The following RBPJ variants were observed in gnomAD, a reference collection of about 807,000 sequenced individuals.
The protein encoded by RBPJ is recombining binding protein suppressor of hairless.
Under a neutral mutation model 67.8 loss-of-function variants are expected in RBPJ, and 9 were observed. The observed-to-expected ratio is 0.13, with a 90% CI of 0.08 to 0.23. The LOEUF is 0.23. Among genes scored for constraint, RBPJ ranks in the 10% least tolerant of loss-of-function variants. The pLI is 1.00. For synonymous variants in RBPJ, 198 were observed against 203.3 expected (o/e 0.97, Z 0.22); for missense variants, 305 against 595.6 (o/e 0.51, Z 5.08).
At chr4:26,127,011 G>A in the RBPJ span, among the ~76,000 whole-genome samples, 6 of 152,162 alleles carry the variant, frequency 3.9e-5, no homozygotes, top group South Asian at 4.1e-4. Context: ...GGATTCAGCC[G>A]ACCACACACG....
intron 2 of RBPJ, among the ~76,000 whole-genome samples, chr4:26,400,505 GCT>G (rs1194629782): frequency 9.1e-6 from 1 of 110,304 alleles, no homozygotes; most frequent in Non-Finnish European, 2.2e-5. Flanking sequence ...TATTTGACAG[GCT>G]TTTTACTATT....
At chr4:26,162,430 T>C (rs1377124791), upstream of RBPJ, among the ~76,000 whole-genome samples, 1 of 152,266 alleles carries the variant, frequency 6.6e-6, no homozygotes, top group East Asian at 1.9e-4. Context: ...GGTCACGTGC[T>C]GTGCCCAAGG....
upstream of RBPJ, chr4:26,319,733 T>G: frequency 1.2e-6 from 1 of 813,758 alleles, no homozygotes. Context: ...GCAGTGCCGC[T>G]CGCGCGGGCC....
chr4:26,387,903 T>G (rs745675718), intron 2 of RBPJ, among the ~76,000 whole-genome samples: 2 of 152,118 alleles, frequency 1.3e-5, no homozygotes, highest in Non-Finnish European at 2.9e-5. Flanking sequence ...TAAAATTGGG[T>G]CCAGGCATGA....
chr4:26,413,325 G>A (rs531392213), intron 3 of RBPJ, among the ~76,000 whole-genome samples: 1 of 152,226 alleles, frequency 6.6e-6, no homozygotes, highest in East Asian at 1.9e-4. Context: ...TGACCACCTT[G>A]GGCCGTCCCC....
In RBPJ at chr4:26,431,323, G is replaced by T; in HGVS notation, c.*316G>T. On this transcript the variant is annotated 3_prime_UTR_variant, in exon 11 of 11. Transcript: ENST00000355476. ...TTTAAATGGGCAAGAAGTAAATAAT[G>T]TGGCTGGAATACAAGTTGAACAAAC... is the stretch of plus-strand genomic sequence containing the variant. 4.0e-6 allele frequency: 1 copy of T among 251,894 alleles called. No individual in the cohort carries two copies. The allele number at this position is 251,894 out of a possible 1,614,324, so 15.6% of individuals were successfully genotyped here. A position where few individuals can be genotyped will look rare whatever the true frequency, so the allele number is the denominator to read the frequency against.
chr4:26,111,188 G>T, the RBPJ span, among the ~76,000 whole-genome samples: 1 of 150,090 alleles, frequency 6.7e-6, no homozygotes, highest in Middle Eastern at 3.5e-3. Context: ...TCAGAGAAAG[G>T]TGATTGGCCC....
intron 1 of RBPJ, among the ~76,000 whole-genome samples, chr4:26,230,185 A>C (rs1393639076): frequency 6.7e-6 from 1 of 148,392 alleles, no homozygotes; most frequent in Non-Finnish European, 1.5e-5. Flanking sequence ...GTGAGACCCT[A>C]TCTTAAAAAA....
chr4:26,384,809 GCCTCTCCCCTCTCCCCCTCCCCTCTCA>G (rs1730671596), intron 1 of RBPJ, among the ~76,000 whole-genome samples: 1 of 15,260 alleles, frequency 6.6e-5, no homozygotes, highest in Admixed American at 7.5e-4. Context: ...CTCCCCTCTC[GCCTCTCCCCTCTCCCCCTCCCCTCTCA>G]CCTCTCCCCT....
chr4:26,196,725 C>A (rs973498003), intron 1 of RBPJ, among the ~76,000 whole-genome samples: 6 of 152,106 alleles, frequency 3.9e-5, no homozygotes, highest in African/African-American at 1.4e-4. Flanking sequence ...GCCACATACC[C>A]ACTGTTGAGA....
the RBPJ span, among the ~76,000 whole-genome samples, chr4:26,110,164 ATTCAATTTCTCTGTACTTCTTACAT>A: frequency 6.6e-6 from 1 of 152,104 alleles, no homozygotes; most frequent in African/African-American, 2.4e-5. The surrounding 1 kb of genome is among the most constrained non-coding windows in gnomAD (Gnocchi z 4.5). Context: ...ACTTCTTACA[ATTCAATTTCTCTGTACTTCTTACAT>A]TTCAATTTCT....
chr4:26,395,467 A>G (rs147977390), intron 2 of RBPJ, among the ~76,000 whole-genome samples: 201 of 152,204 alleles, frequency 1.3e-3, no homozygotes, highest in African/African-American at 4.6e-3. Context: ...AAAAGAAGAA[A>G]TGAGCTTTAT....
At chr4:26,165,272 C>T (rs11722034) in intron 1 of RBPJ, among the ~76,000 whole-genome samples, 2,367 of 152,282 alleles carry the variant, frequency 0.016, 24 homozygotes, top group Non-Finnish European at 0.026. Context: ...TGCAGTTTAG[C>T]TTTTTCTAAA....
rs569359281 is a variant in RBPJ at position 26,433,270 on chromosome 4, C to T, written c.*2263C>T. On this transcript the variant is annotated 3_prime_UTR_variant, in exon 11 of 11. Transcript: ENST00000355476. ...CACTTATTTCTGAGTAGTAGTTATT[C>T]CTCTCTATGGAGTCATGGCAGGAAT... The T allele has an allele frequency of 6.6e-6, 1 of 152,284 alleles. No individual in the cohort carries two copies. Among genetic ancestry groups the T allele is most frequent in the East Asian group, 1.9e-4 (1 of 5,186 alleles). 9.4% of individuals were successfully genotyped at this position (152,284 alleles called of 1,614,324 possible).
intron 1 of RBPJ, among the ~76,000 whole-genome samples, chr4:26,362,224 T>G (rs1728138742): frequency 6.6e-6 from 1 of 152,102 alleles, no homozygotes; most frequent in Non-Finnish European, 1.5e-5. Flanking sequence ...GAAGAAACAA[T>G]TGGGGCAAAG....
the RBPJ span, among the ~76,000 whole-genome samples, chr4:26,151,794 C>A: frequency 6.6e-6 from 1 of 152,360 alleles, no homozygotes; most frequent in East Asian, 1.9e-4. Context: ...CCAAAGGAGG[C>A]CTTGGCCTGG....
chr4:26,376,481 C>T (rs1180149753), intron 1 of RBPJ, among the ~76,000 whole-genome samples: 1 of 152,176 alleles, frequency 6.6e-6, no homozygotes, highest in Non-Finnish European at 1.5e-5. Flanking sequence ...TGAATCATAT[C>T]CCATCATATG....
intron 1 of RBPJ, among the ~76,000 whole-genome samples, chr4:26,366,277 TTTTTG>T (rs540662744): frequency 3.0e-4 from 46 of 152,024 alleles, no homozygotes; most frequent in African/African-American, 9.2e-4. Context: ...CAGTAGTTTT[TTTTTG>T]TTTTGTTTTG....
At chr4:26,244,058 C>T (rs983315274) in intron 1 of RBPJ, among the ~76,000 whole-genome samples, 1 of 151,268 alleles carries the variant, frequency 6.6e-6, no homozygotes, top group Non-Finnish European at 1.5e-5. Context: ...TGAGGTGGCA[C>T]CACTGCACTT....
Sources: gnomAD v4.1 joint callset for allele counts (sites outside exome capture counted in the v4.1 genomes callset) on GRCh38, gnomAD v4.1.1 for gene constraint, Gnocchi (gnomAD v3.1) non-coding constraint, MANE v1.5 for transcripts, NCBI Gene and HGNC (gene_info 2026-07-23, HGNC 2026-07-21) for gene names.